Variants in PGAP1 observed in about 807,000 individuals in gnomAD.
The protein encoded by PGAP1 is post-GPI attachment to proteins inositol deacylase 1, also known as GPI inositol-deacylase.
A neutral mutation model predicts 127.0 loss-of-function variants in PGAP1; 76 were observed. That is an observed-to-expected ratio of 0.60 (90% CI 0.50 to 0.72). The LOEUF (loss-of-function observed/expected upper bound fraction) is 0.72. Ranked by LOEUF, PGAP1 falls within the 30% of genes least tolerant of loss-of-function variation. The pLI is 0.00. For missense variants in PGAP1, 982 were observed against 1,071.3 expected (o/e 0.92, Z 1.16); for synonymous variants, 362 against 366.5 (o/e 0.99, Z 0.14).
intron 20 of PGAP1, among the ~76,000 whole-genome samples, chr2:196,855,956 C>T (rs993922895): frequency 3.3e-5 from 5 of 152,070 alleles, no homozygotes; most frequent in Admixed American, 3.3e-4. Context: ...TGCTGGCAGG[C>T]CTAGGAACCT....
chr2:196,835,581 A>G lies in PGAP1; in HGVS notation c.*5653T>C, dbSNP rs1479353270. On this transcript the variant is annotated 3_prime_UTR_variant, in exon 27 of 27. Coordinates refer to ENST00000354764, the MANE Select transcript of PGAP1 (RefSeq NM_024989.4). Reference sequence around the variant, plus strand: ...TCAAAGAAAAATTAGGGTATGAAATATAAGTTTTCATGGTTTAAACATTTA... The same window carrying G: ...TCAAAGAAAAATTAGGGTATGAAATGTAAGTTTTCATGGTTTAAACATTTA... The G allele has an allele frequency of 6.6e-6, 1 of 152,486 alleles. No homozygotes were observed. The allele number at this position is 152,486 out of a possible 1,614,324, so 9.4% of individuals were successfully genotyped here.
Position 196,902,569 on chromosome 2 carries a change from CT to C in PGAP1, c.807+15del, listed in dbSNP as rs1702532893. On this transcript the variant is annotated intron_variant, in intron 5 of 26. Coordinates refer to ENST00000354764, the MANE Select transcript of PGAP1 (RefSeq NM_024989.4). ...TATTACATTACTATTTCAATAGAAT[CT>C]TAAAAAAAGATTACCACAACAGATA... is the stretch of plus-strand genomic sequence containing the variant. 9 of 1,586,664 alleles carry C rather than the reference CT, an allele frequency of 5.7e-6. No individual in the cohort carries two copies. The highest frequency in any genetic ancestry group is 6.9e-6 in the Non-Finnish European group (8 of 1,166,956).
At chr2:196,919,919 A>T in intron 2 of PGAP1, 78 bp downstream of exon 2, 1 of 1,419,552 alleles carries the variant, frequency 7.0e-7, no homozygotes, top group Non-Finnish European at 9.6e-7. Context: ...ACTTTATTTG[A>T]TTCACCGAGT....
chr2:196,926,504 C>A lies in PGAP1; in HGVS notation c.113G>T (p.Ser38Ile), dbSNP rs1703365405. The change falls in exon 1 of 27, where the codon AGT (serine) becomes ATT (isoleucine). Residue 38 changes from serine to isoleucine, a missense_variant. Physicochemically the swap from Ser to Ile is moderately radical, Grantham distance 142. Coordinates refer to ENST00000354764, the MANE Select transcript of PGAP1 (RefSeq NM_024989.4). The part of the protein sequence containing the change: ...VFFGFEENKC[S>I]MSYMFEYPEY... ...CGGGTACTCAAACATGTAGCTCATA[C>A]TGCACTTATTCTCCTCGAAGCCGAA... 1 of 1,614,032 alleles carries A rather than the reference C, an allele frequency of 6.2e-7. No homozygotes were observed. Among genetic ancestry groups the A allele is most frequent in the Admixed American group, 1.7e-5 (1 of 60,014 alleles).
chr2:196,899,437 T>TG (rs1702401587), intron 5 of PGAP1, among the ~76,000 whole-genome samples: 1 of 152,232 alleles, frequency 6.6e-6, no homozygotes. Flanking sequence ...TAGAAATTAC[T>TG]GCTGATAGTT....
At chr2:196,890,643 C>T (rs1702065509) in intron 10 of PGAP1, among the ~76,000 whole-genome samples, 185 bp downstream of exon 10, 1 of 152,002 alleles carries the variant, frequency 6.6e-6, no homozygotes, top group African/African-American at 2.4e-5. Context: ...ACCTTAATAG[C>T]ATAGTATCTG....
chr2:196,866,862 T>C (rs965325436), intron 19 of PGAP1, among the ~76,000 whole-genome samples: 2 of 152,012 alleles, frequency 1.3e-5, no homozygotes, highest in African/African-American at 4.8e-5. Context: ...AACAAACATA[T>C]GAAAAAAATC....
At chr2:196,886,000 G>A in intron 10 of PGAP1, 120 bp from the exon 11 acceptor site, 2 of 506,838 alleles carry the variant, frequency 3.9e-6, no homozygotes, top group Non-Finnish European at 6.4e-6. Flanking sequence ...AGGAGCAAGT[G>A]AAACGTAAAT....
rs1028924601 is a variant in PGAP1, at chr2:196,833,161, A to C, written c.*8073T>G. The C allele has an allele frequency of 6.6e-6, 1 of 152,606 alleles. No homozygotes were observed. The highest frequency in any genetic ancestry group is 1.5e-5 in the Non-Finnish European group (1 of 68,034). 9.5% of individuals were successfully genotyped at this position (152,606 alleles called of 1,614,324 possible). A position where few individuals can be genotyped will look rare whatever the true frequency, so the allele number is the denominator to read the frequency against. Reference sequence around the variant, plus strand: ...ACACCATAATGCTCAAACACAGGTAAAAACATTCACAACACACTCTACAGA... The same window carrying C: ...ACACCATAATGCTCAAACACAGGTACAAACATTCACAACACACTCTACAGA... On this transcript the variant is annotated 3_prime_UTR_variant, in exon 27 of 27. Transcript: ENST00000354764.
At chr2:196,876,999 C>T (rs1213326945) in intron 13 of PGAP1, among the ~76,000 whole-genome samples, 1 of 151,972 alleles carries the variant, frequency 6.6e-6, no homozygotes, top group East Asian at 1.9e-4. Context: ...TTACAAAGTA[C>T]TTTTGGATAA....
At position 196,837,738 on chromosome 2, in the gene PGAP1, C is replaced by T. The variant is rs1481128888; in HGVS notation, c.*3496G>A. 2.6e-5 allele frequency: 4 copies of T among 152,192 alleles called. No individual in the cohort carries two copies. The highest frequency in any genetic ancestry group is 5.9e-5 in the Non-Finnish European group (4 of 68,028). The allele number at this position is 152,192 out of a possible 1,614,324, so 9.4% of individuals were successfully genotyped here. On this transcript the variant is annotated 3_prime_UTR_variant, in exon 27 of 27. Transcript: ENST00000354764. ...ATCACATGAATGACAAGACAACCAACAACAAACACTATGCCTATTACAGTT... is the reference window on the plus strand; with the variant it reads ...ATCACATGAATGACAAGACAACCAATAACAAACACTATGCCTATTACAGTT...
chr2:196,916,856 T>C (rs1703025789), intron 2 of PGAP1, among the ~76,000 whole-genome samples: 2 of 152,320 alleles, frequency 1.3e-5, no homozygotes, highest in South Asian at 4.1e-4. Context: ...CTTCTTTTCC[T>C]TTGGTAGGAG....
intron 14 of PGAP1, 33 bp from the exon 15 acceptor site, chr2:196,873,791 TA>T: frequency 7.0e-7 from 1 of 1,433,768 alleles, no homozygotes; most frequent in Non-Finnish European, 9.8e-7. Context: ...TTACTTAGAA[TA>T]TCAAGGAAGT....
intron 1 of PGAP1, among the ~76,000 whole-genome samples, chr2:196,920,381 A>G (rs1169163342): frequency 6.6e-6 from 1 of 152,168 alleles, no homozygotes; most frequent in African/African-American, 2.4e-5. Flanking sequence ...AAAACATAAA[A>G]GAGGACTACG....
chr2:196,872,660 C>A, intron 17 of PGAP1, 111 bp from the exon 18 acceptor site: 1 of 732,340 alleles, frequency 1.4e-6, no homozygotes, highest in Admixed American at 2.6e-5. Flanking sequence ...AAGCTAGGTG[C>A]CAGACACATA....
intron 12 of PGAP1, among the ~76,000 whole-genome samples, chr2:196,885,055 T>C (rs1397846992): frequency 1.3e-5 from 2 of 152,168 alleles, no homozygotes; most frequent in Non-Finnish European, 2.9e-5. Context: ...CTGCAGGCCC[T>C]TCCTCCCAAA....
intron 20 of PGAP1, among the ~76,000 whole-genome samples, chr2:196,860,343 C>T (rs1701024352): frequency 6.6e-6 from 1 of 151,996 alleles, no homozygotes. Context: ...ACCAGCCTGG[C>T]CAACATGGTG....
intron 5 of PGAP1, 67 bp downstream of exon 5, chr2:196,902,518 T>C: frequency 1.4e-6 from 2 of 1,383,738 alleles, no homozygotes; most frequent in Non-Finnish European, 2.0e-6. Context: ...CTATATATTA[T>C]TTCTTCTTTC....
chr2:196,864,914 A>T lies in PGAP1; in HGVS notation c.1861+73T>A, dbSNP rs1301028334. ...ATAACAGAATTATATATATAAACAC[A>T]TATGTGGAACTAATAGTCATTCTAC... is the stretch of plus-strand genomic sequence containing the variant. On this transcript the variant is annotated intron_variant, in intron 20 of 26. Transcript: ENST00000354764. 1.2e-5 allele frequency: 9 copies of T among 720,410 alleles called. No homozygotes were observed. The East Asian group carries it at 2.8e-4, about 23-fold the overall frequency. 44.6% of individuals were successfully genotyped at this position (720,410 alleles called of 1,614,324 possible).
Sources: allele counts gnomAD v4.1 joint callset (sites outside exome capture counted in the v4.1 genomes callset), GRCh38; gene constraint gnomAD v4.1.1; transcripts MANE v1.5; gene names NCBI Gene and HGNC (gene_info 2026-07-23, HGNC 2026-07-21).